The following STX8 variants were observed in gnomAD, a reference collection of about 807,000 sequenced individuals.
The protein encoded by STX8 is syntaxin 8.
STX8 carries 23 observed loss-of-function variants against 37.5 expected under a neutral mutation model. That is an observed-to-expected ratio of 0.61 (90% confidence interval 0.44 to 0.87). The LOEUF is 0.87. Ranked by LOEUF, STX8 falls within the 40% of genes least tolerant of loss-of-function variation. The pLI is 0.00. For synonymous variants in STX8, 115 were observed against 99.1 expected (o/e 1.16, Z -0.95); for missense variants, 313 against 284.7 (o/e 1.10, Z -0.71).
At chr17:9,494,269 C>T (rs1401539132) in intron 5 of STX8, among the ~76,000 whole-genome samples, 2 of 151,752 alleles carry the variant, frequency 1.3e-5, no homozygotes, top group Non-Finnish European at 2.9e-5. Context: ...CCCGCCTCGG[C>T]CTCCCAAAGT....
chr17:9,358,720 T>C (rs1178504848), intron 7 of STX8, among the ~76,000 whole-genome samples: 1 of 152,124 alleles, frequency 6.6e-6, no homozygotes, highest in Non-Finnish European at 1.5e-5. Flanking sequence ...AGCTTGGGCA[T>C]GAGGCCTTTA....
chr17:9,329,050 CAAAAAAAAAAAAAAAAAA>C (rs998679728), intron 7 of STX8, among the ~76,000 whole-genome samples: 14 of 28,002 alleles, frequency 5.0e-4, no homozygotes, highest in East Asian at 2.8e-3. Context: ...GATTCCATCT[CAAAAAAAAAAAAAAAAAA>C]AAAAAAAAAA....
At chr17:9,453,148 G>A (rs546267120) in intron 6 of STX8, among the ~76,000 whole-genome samples, 1 of 152,190 alleles carries the variant, frequency 6.6e-6, no homozygotes, top group Non-Finnish European at 1.5e-5. Context: ...TTAGTACTCA[G>A]TATGGCTAGA....
intron 6 of STX8, among the ~76,000 whole-genome samples, chr17:9,437,622 A>T (rs1488723089): frequency 2.6e-5 from 4 of 152,204 alleles, no homozygotes; most frequent in Non-Finnish European, 4.4e-5. Flanking sequence ...ATAGTTACTT[A>T]TTCCTGGTAC....
chr17:9,338,673 C>T (rs1235972036), intron 7 of STX8, among the ~76,000 whole-genome samples: 2 of 152,166 alleles, frequency 1.3e-5, no homozygotes, highest in Non-Finnish European at 2.9e-5. Context: ...TTCCAAGGAC[C>T]ACCTATTTCA....
At chr17:9,368,439 G>A (rs1418960898) in intron 7 of STX8, among the ~76,000 whole-genome samples, 2 of 152,262 alleles carry the variant, frequency 1.3e-5, no homozygotes, top group East Asian at 3.9e-4. Flanking sequence ...AGGAAGCATA[G>A]CTTGCACTGA....
chr17:9,254,920 A>G (rs1214761389), intron 7 of STX8, among the ~76,000 whole-genome samples: 1 of 152,182 alleles, frequency 6.6e-6, no homozygotes, highest in Non-Finnish European at 1.5e-5. Flanking sequence ...AAGAAGAGTC[A>G]AGAGAGGCAT....
intron 2 of STX8, among the ~76,000 whole-genome samples, chr17:9,558,674 T>A (rs1299401675): frequency 6.6e-6 from 1 of 151,694 alleles, no homozygotes; most frequent in African/African-American, 2.4e-5. Flanking sequence ...ATACAAAAAA[T>A]TAGCTGGGCG....
intron 7 of STX8, among the ~76,000 whole-genome samples, chr17:9,273,669 C>T (rs77164000): frequency 0.12 from 18,690 of 152,344 alleles, 1,520 homozygotes; most frequent in Admixed American, 0.23. Flanking sequence ...AAGAATCTAG[C>T]TCCACAGTTT....
intron 7 of STX8, among the ~76,000 whole-genome samples, chr17:9,268,572 C>G (rs1001146247): frequency 6.6e-6 from 1 of 152,312 alleles, no homozygotes; most frequent in East Asian, 1.9e-4. Context: ...ACCCTAAAGA[C>G]GTCCTCCTGT....
chr17:9,431,202 GGTA>G (rs1913955512), intron 6 of STX8, among the ~76,000 whole-genome samples: 1 of 149,064 alleles, frequency 6.7e-6, no homozygotes, highest in South Asian at 2.1e-4. Context: ...CATCTCATTG[GGTA>G]GTAGCATTTT....
chr17:9,358,726 CTT>C (rs1014108924), intron 7 of STX8, among the ~76,000 whole-genome samples: 9 of 152,032 alleles, frequency 5.9e-5, no homozygotes, highest in African/African-American at 2.2e-4. Context: ...GGCATGAGGC[CTT>C]TAAAAGGCAT....
intron 6 of STX8, among the ~76,000 whole-genome samples, chr17:9,424,674 C>G (rs1913561506): frequency 6.6e-6 from 1 of 152,154 alleles, no homozygotes; most frequent in Non-Finnish European, 1.5e-5. Flanking sequence ...TCAGCTCTCT[C>G]ATACAAGCAT....
intron 3 of STX8, chr17:9,553,105 A>T (rs1179473889): frequency 6.6e-6 from 1 of 152,138 alleles, no homozygotes; most frequent in Non-Finnish European, 1.5e-5. Context: ...TGTGAAGCCA[A>T]CTCTAAGAAG....
At chr17:9,516,602 T>C (rs1314121894) in intron 4 of STX8, among the ~76,000 whole-genome samples, 1 of 152,012 alleles carries the variant, frequency 6.6e-6, no homozygotes, top group Non-Finnish European at 1.5e-5. Flanking sequence ...GGTAAGATCA[T>C]GAGATCATAG....
chr17:9,523,405 CAT>C (rs386385624), intron 4 of STX8, among the ~76,000 whole-genome samples: 2 of 149,906 alleles, frequency 1.3e-5, no homozygotes, highest in East Asian at 1.9e-4. Flanking sequence ...CACACACACA[CAT>C]ATATATATTT....
At chr17:9,477,496 A>G (rs985338633) in intron 6 of STX8, among the ~76,000 whole-genome samples, 5 of 151,780 alleles carry the variant, frequency 3.3e-5, no homozygotes, top group East Asian at 3.9e-4. Context: ...ACTTGTGTGG[A>G]AAAAAAAAGC....
intron 7 of STX8, among the ~76,000 whole-genome samples, chr17:9,292,730 C>T (rs976345195): frequency 6.6e-6 from 1 of 152,232 alleles, no homozygotes; most frequent in African/African-American, 2.4e-5. Flanking sequence ...GCAGAATCAT[C>T]TTGCTTCACC....
chr17:9,335,511 G>A (rs1412656375), intron 7 of STX8, among the ~76,000 whole-genome samples: 1 of 152,050 alleles, frequency 6.6e-6, no homozygotes, highest in Non-Finnish European at 1.5e-5. Flanking sequence ...AGTTTTGGCA[G>A]AGACATTCAA....
Sources: gnomAD v4.1 joint callset for allele counts (sites outside exome capture counted in the v4.1 genomes callset) on GRCh38, gnomAD v4.1.1 for gene constraint, MANE v1.5 for transcripts, NCBI Gene and HGNC (gene_info 2026-07-23, HGNC 2026-07-21) for gene names.